C1R: variants seen among roughly 807,000 people sequenced by gnomAD.
C1R encodes complement C1r subcomponent.
Under a neutral mutation model 27.6 loss-of-function variants are expected in C1R, and 15 were observed. The observed-to-expected ratio is 0.54, with a 90% CI of 0.36 to 0.84. The LOEUF is 0.84. Ranked by LOEUF, C1R falls within the 40% of genes least tolerant of loss-of-function variation. C1R has a pLI of 0.01. For synonymous variants in C1R, 253 were observed against 228.8 expected (o/e 1.11, Z -0.95); for missense variants, 544 against 577.9 (o/e 0.94, Z 0.60).
Position 7,090,198 on chromosome 12 carries a change from A to T in C1R, c.282T>A (p.Ser94=), listed in dbSNP as rs1938242046. The stretch of plus-strand genomic sequence containing the variant: ...TCTTTCCCGGGGGGTTGCCCAGTGG[A>T]GAACCCAGTTGCCCACAGAACCTCC... The part of the protein sequence containing the change: ...SLGRFCGQLG[S]PLGNPPGKKE... The change falls in exon 3 of 11, where the codon TCT becomes TCA. Residue 94 remains serine, a synonymous_variant. Coordinates refer to ENST00000647956, the MANE Select transcript of C1R (RefSeq NM_001733.7). The T allele has an allele frequency of 1.3e-6, 1 of 750,278 alleles. No individual in the cohort carries two copies. Among genetic ancestry groups the T allele is most frequent in the Admixed American group, 1.8e-5 (1 of 54,170 alleles). The allele number at this position is 750,278 out of a possible 1,614,324, so 46.5% of individuals were successfully genotyped here.
chr12:7,085,790 A>G (rs1938148754), intron 9 of C1R, 71 bp downstream of exon 9: 4 of 398,142 alleles, frequency 1.0e-5, no homozygotes, highest in Non-Finnish European at 1.3e-5. Context: ...TAGGGATTCT[A>G]CTGGGAGAAA....
In C1R at chr12:7,082,036, C is replaced by A; in HGVS notation, c.1344G>T (p.Leu448Phe). The A allele has an allele frequency of 6.5e-7, 1 of 1,537,026 alleles. No individual in the cohort carries two copies. ...EQKGEKIPRC[L>F]PVCGKPVNPV... is the part of the protein sequence containing the mutation. ...CCCCAGAGGGTTTCCACTCACCTGG[C>A]AAGCACCGAGGAATCTTCTCTCCCT... is the stretch of plus-strand genomic sequence containing the variant. Residue 448 changes from leucine to phenylalanine, a missense_variant, in exon 10 of 11, where the codon TTG becomes TTT. Leu to Phe is a conservative substitution (Grantham distance 22, BLOSUM62 0). This residue lies in a region of C1R where 253 missense variants were observed against 368.9 expected (regional missense o/e 0.69). Coordinates refer to ENST00000647956, the MANE Select transcript of C1R (RefSeq NM_001733.7).
chr12:7,090,061 G>A lies in C1R; in HGVS notation c.419C>T (p.Ala140Val), dbSNP rs200539827. 180 of 773,314 alleles carry A rather than the reference G, an allele frequency of 2.3e-4. No individual in the cohort carries two copies. Among genetic ancestry groups the A allele is most frequent in the Non-Finnish European group, 3.9e-4 (162 of 414,480 alleles). 47.9% of individuals were successfully genotyped at this position (773,314 alleles called of 1,614,324 possible). The change falls in exon 3 of 11, where the codon GCT becomes GTT. Residue 140 changes from alanine (A) to valine (V), a missense_variant. Ala to Val is a moderately conservative substitution (Grantham distance 64, BLOSUM62 0). Coordinates refer to ENST00000647956, the MANE Select transcript of C1R (RefSeq NM_001733.7). ...FYKGFLAYYQAVDLDECASRS... is the reference protein window; with the variant it reads ...FYKGFLAYYQVVDLDECASRS... ...ATCCCTGGGGGGCTACTCACCCACA[G>A]CTTGGTAGTAGGCCAGGAAGCCCTT...
In C1R at chr12:7,091,527, C is replaced by G. The variant is rs373223572; in HGVS notation, c.156G>C (p.Thr52=). The change falls in exon 2 of 11, where the codon ACG becomes ACC. Residue 52 remains threonine, a synonymous_variant. Transcript: ENST00000647956. The surrounding 1 kb of genome is among the most constrained non-coding windows in gnomAD (Gnocchi z 5.1). ...FETTTVITVP[T]GYRVKLVFQQ... is the part of the protein sequence containing the mutation. ...GGAAGACGAGCTTCACCCTGTATCCCGTGGGGACTGTGATCACAGTGGTTG... is the reference window on the plus strand; with the variant it reads ...GGAAGACGAGCTTCACCCTGTATCCGGTGGGGACTGTGATCACAGTGGTTG... 3.9e-6 allele frequency: 3 copies of G among 778,622 alleles called. No individual in the cohort carries two copies. In the Admixed American group the frequency reaches 5.1e-5, roughly 13 times the overall value. The allele number at this position is 778,622 out of a possible 1,614,324, so 48.2% of individuals were successfully genotyped here.
chr12:7,080,688 A>G lies in C1R; in HGVS notation c.1962T>C (p.Ser654=). 6.2e-7 allele frequency: 1 copy of G among 1,613,824 alleles called. No individual in the cohort carries two copies. Residue 654 remains serine, a synonymous_variant, in exon 11 of 11, where the codon AGT becomes AGC. Coordinates refer to ENST00000647956, the MANE Select transcript of C1R (RefSeq NM_001733.7). The surrounding 1 kb of genome is among the most constrained non-coding windows in gnomAD (Gnocchi z 4.9). The part of the protein sequence containing the change: ...SLKQDACQGD[S]GGVFAVRDPN... ...GGTCCCTTACTGCAAAAACGCCCCC[A>G]CTATCCCCCTGGCAGGCGTCCTGCT...
At position 7,081,963 on chromosome 12, in the gene C1R, C is replaced by T. The variant is rs1270402500; in HGVS notation, c.1348+69G>A. The stretch of plus-strand genomic sequence containing the variant: ...CTCTCCTCTCTCTCCTTTTTCTGGG[C>T]CACACTGCTTTTGAGGCCCTGCAGG... On this transcript the variant is annotated intron_variant, in intron 10 of 10. Transcript: ENST00000647956. 3.0e-6 allele frequency: 4 copies of T among 1,315,146 alleles called. No homozygotes were observed. In the African/African-American group the frequency reaches 4.4e-5, roughly 14 times the overall value. 81.5% of individuals were successfully genotyped at this position (1,315,146 alleles called of 1,614,324 possible).
rs1189381838 is a variant in C1R, at chr12:7,088,940, CT to C, written c.814del (p.Arg272GlyfsTer44). On this transcript the variant is annotated frameshift_variant, in exon 6 of 11. Coordinates refer to ENST00000647956, the MANE Select transcript of C1R (RefSeq NM_001733.7). LOFTEE classifies it high-confidence loss of function. ...GCTGCTGGTGTCGAGGTCGGGGGGC[CT>C]TTGCTTCCCACAGAACTCGCCAATG... The part of the protein sequence containing the change: ...KNIGEFCGKQ[R>X]PPDLDTSSNA... 1 of 757,156 alleles carries C rather than the reference CT, an allele frequency of 1.3e-6. No individual in the cohort carries two copies. Among genetic ancestry groups the C allele is most frequent in the Non-Finnish European group, 2.5e-6 (1 of 406,862 alleles). The allele number at this position is 757,156 out of a possible 1,614,324, so 46.9% of individuals were successfully genotyped here.
At chr12:7,082,372 C>T (rs1409275738) in intron 9 of C1R, among the ~76,000 whole-genome samples, 1 of 151,912 alleles carries the variant, frequency 6.6e-6, no homozygotes, top group Admixed American at 6.6e-5. Context: ...CACTCTGTTG[C>T]CCAGGCTGGA....
intron 2 of C1R, 54 bp from the exon 3 acceptor site, chr12:7,090,302 G>T (rs1264762830): frequency 2.9e-6 from 2 of 688,590 alleles, no homozygotes; most frequent in Non-Finnish European, 5.4e-6. Flanking sequence ...AGTGGCGCAC[G>T]TGGTGGCTCA....
At chr12:7,084,947 G>C (rs897093762) in intron 9 of C1R, among the ~76,000 whole-genome samples, 1 of 148,914 alleles carries the variant, frequency 6.7e-6, no homozygotes, top group Non-Finnish European at 1.5e-5. Context: ...GTGTGGTGGT[G>C]ATGATGATGT....
chr12:7,091,892 C>T lies in C1R; in HGVS notation c.3-212G>A. ...ATCGGGTCACTCTCCAGGGCAGTGT[C>T]CAGTCCAGAGGCCACCACACTCCCC... On this transcript the variant is annotated intron_variant, in intron 1 of 10. Coordinates refer to ENST00000647956, the MANE Select transcript of C1R (RefSeq NM_001733.7). This position sits in a 1 kb window ranked among gnomAD's most constrained non-coding sequence, Gnocchi z 5.1. The T allele has an allele frequency of 2.9e-6, 2 of 690,074 alleles. No individual in the cohort carries two copies. The highest frequency in any genetic ancestry group is 2.7e-5 in the East Asian group (1 of 36,586). The allele number at this position is 690,074 out of a possible 1,614,324, so 42.7% of individuals were successfully genotyped here.
Position 7,089,464 on chromosome 12 carries a change from C to T in C1R, c.597G>A (p.Thr199=), listed in dbSNP as rs369628991. Reference sequence around the variant, plus strand: ...GGCTGGAGATGTAGCCTGATGCCTCCGTGTACAGCTCGCTGCTGCACTCAG... The same window carrying T: ...GGCTGGAGATGTAGCCTGATGCCTCTGTGTACAGCTCGCTGCTGCACTCAG... The part of the protein sequence containing the change: ...CQAECSSELY[T]EASGYISSLE... The change falls in exon 5 of 11, where the codon ACG becomes ACA. Residue 199 remains threonine, a synonymous_variant. Coordinates refer to ENST00000647956, the MANE Select transcript of C1R (RefSeq NM_001733.7). 3.9e-5 allele frequency: 30 copies of T among 776,648 alleles called. No homozygotes were observed. Among genetic ancestry groups the T allele is most frequent in the African/African-American group, 2.5e-4 (15 of 59,070 alleles). 48.1% of individuals were successfully genotyped at this position (776,648 alleles called of 1,614,324 possible).
intron 9 of C1R, among the ~76,000 whole-genome samples, chr12:7,082,521 C>T (rs1591587375): frequency 6.6e-6 from 1 of 152,046 alleles, no homozygotes; most frequent in African/African-American, 2.4e-5. Context: ...TTAGTAGAGA[C>T]AGGGTTTCAC....
In C1R at chr12:7,091,215, G is replaced by A; in HGVS notation, c.231+237C>T. ...GGAAGGTTTTCCTGACTCAGTGGAT[G>A]TTGAATTTCCTGAGTGGGTCCTGTC... On this transcript the variant is annotated intron_variant, in intron 2 of 10. Coordinates refer to ENST00000647956, the MANE Select transcript of C1R (RefSeq NM_001733.7). The surrounding 1 kb of genome is among the most constrained non-coding windows in gnomAD (Gnocchi z 5.1). The A allele has an allele frequency of 1.9e-6, 1 of 516,940 alleles. No individual in the cohort carries two copies. The highest frequency in any genetic ancestry group is 2.6e-5 in the South Asian group (1 of 38,344). The allele number at this position is 516,940 out of a possible 1,614,324, so 32.0% of individuals were successfully genotyped here.
Position 7,090,080 on chromosome 12 carries a change from A to G in C1R, c.400T>C (p.Phe134Leu). Residue 134 changes from phenylalanine (F) to leucine (L), a missense_variant, in exon 3 of 11, where the codon TTC becomes CTC. By Grantham distance (22) the Phe-to-Leu change is conservative. Around this residue, in one of 2 missense-constraint regions of C1R, gnomAD observed 291 missense variants for 209.0 expected, o/e 1.39. Transcript: ENST00000647956. ...ENGTIMFYKG[F>L]LAYYQAVDLD... ...CCCACAGCTTGGTAGTAGGCCAGGAAGCCCTTGTAGAACATGATGGTCCCA... is the reference window on the plus strand; with the variant it reads ...CCCACAGCTTGGTAGTAGGCCAGGAGGCCCTTGTAGAACATGATGGTCCCA... 2 of 776,942 alleles carry G rather than the reference A, an allele frequency of 2.6e-6. No individual in the cohort carries two copies. Among genetic ancestry groups the G allele is most frequent in the Non-Finnish European group, 4.8e-6 (2 of 416,270 alleles). The allele number at this position is 776,942 out of a possible 1,614,324, so 48.1% of individuals were successfully genotyped here. A position where few individuals can be genotyped will look rare whatever the true frequency, so the allele number is the denominator to read the frequency against.
rs1938029839 is a variant in C1R, at chr12:7,080,294, T to A, written c.*238A>T. On this transcript the variant is annotated 3_prime_UTR_variant, in exon 11 of 11. Transcript: ENST00000647956. The surrounding 1 kb of genome is among the most constrained non-coding windows in gnomAD (Gnocchi z 4.9). ...ATGGTATCAAAGTGGAAGAGGAAAG[T>A]GACAACTAGAGATTGATAACTATAT... 1.7e-6 allele frequency: 2 copies of A among 1,206,440 alleles called. No homozygotes were observed. Among genetic ancestry groups the A allele is most frequent in the African/African-American group, 3.1e-5 (2 of 64,090 alleles). The allele number at this position is 1,206,440 out of a possible 1,614,324, so 74.7% of individuals were successfully genotyped here.
chr12:7,091,857 C>T lies in C1R; in HGVS notation c.3-177G>A, dbSNP rs1387819443. ...GCGTGGGTGGGGAGGATGGCCTGTG[C>T]AGCTGCTGCATCGGGTCACTCTCCA... is the stretch of plus-strand genomic sequence containing the variant. On this transcript the variant is annotated intron_variant, in intron 1 of 10. Coordinates refer to ENST00000647956, the MANE Select transcript of C1R (RefSeq NM_001733.7). This position sits in a 1 kb window ranked among gnomAD's most constrained non-coding sequence, Gnocchi z 5.1. 4.3e-6 allele frequency: 3 copies of T among 697,884 alleles called. No homozygotes were observed. Among genetic ancestry groups the T allele is most frequent in the Non-Finnish European group, 7.8e-6 (3 of 382,674 alleles). 43.2% of individuals were successfully genotyped at this position (697,884 alleles called of 1,614,324 possible).
At chr12:7,089,149 T>A (rs1406032309) in intron 5 of C1R, 144 bp downstream of exon 5, 7 of 636,870 alleles carry the variant, frequency 1.1e-5, no homozygotes, top group African/African-American at 7.3e-5. Flanking sequence ...CAATTCTAGT[T>A]GTGTGGGAAC....
chr12:7,083,463 TGATGGA>T (rs1938102665), intron 9 of C1R, among the ~76,000 whole-genome samples: 1 of 151,928 alleles, frequency 6.6e-6, no homozygotes, highest in Admixed American at 6.6e-5. Context: ...GTGATGATGG[TGATGGA>T]GGTGATGGTG....
Sources: gnomAD v4.1 joint callset for allele counts (sites outside exome capture counted in the v4.1 genomes callset) on GRCh38, gnomAD v4.1.1 for gene constraint, gnomAD v4.1.1 regional missense constraint, Gnocchi (gnomAD v3.1) non-coding constraint, MANE v1.5 for transcripts, NCBI Gene and HGNC (gene_info 2026-07-23, HGNC 2026-07-21) for gene names.